Variants in SEMA6D observed in about 807,000 individuals in gnomAD.
SEMA6D encodes semaphorin 6D.
Under a neutral mutation model 106.6 loss-of-function variants are expected in SEMA6D, and 35 were observed. The ratio of observed to expected loss-of-function variants is 0.33; its 90% CI spans 0.25 to 0.44. The LOEUF is 0.44. SEMA6D is among the 20% of genes least tolerant of loss of function. The pLI is 1.00. For missense variants in SEMA6D, 1,185 were observed against 1,345.9 expected (o/e 0.88, Z 1.87); for synonymous variants, 499 against 487.7 (o/e 1.02, Z -0.31).
intron 1 of SEMA6D, among the ~76,000 whole-genome samples, chr15:47,354,671 G>GT (rs1326213592): frequency 4.0e-5 from 6 of 151,772 alleles, no homozygotes; most frequent in African/African-American, 1.5e-4. Context: ...ATGAGGAGGG[G>GT]TTAGTGTGCA....
intron 3 of SEMA6D, among the ~76,000 whole-genome samples, chr15:47,504,334 G>A (rs2043962579): frequency 6.6e-6 from 1 of 152,250 alleles, no homozygotes; most frequent in Admixed American, 6.5e-5. Flanking sequence ...CCTTGAGTGA[G>A]CAGCCCTGAG....
chr15:47,730,028 C>T, intron 1 of SEMA6D: 1 of 575,446 alleles, frequency 1.7e-6, no homozygotes, highest in Non-Finnish European at 3.0e-6. Flanking sequence ...TAGTGAGATC[C>T]CTTAATGCTA....
chr15:47,471,568 T>C (rs775963169), intron 3 of SEMA6D, among the ~76,000 whole-genome samples: 20 of 152,168 alleles, frequency 1.3e-4, no homozygotes, highest in Non-Finnish European at 2.4e-4. Context: ...GCCTTTATGA[T>C]TTCTGTCTCC....
chr15:47,451,395 A>G (rs1247411079), intron 2 of SEMA6D, among the ~76,000 whole-genome samples: 4 of 151,970 alleles, frequency 2.6e-5, no homozygotes, highest in Non-Finnish European at 5.9e-5. Context: ...GACATGGAGG[A>G]TGGTGGTTGG....
intron 1 of SEMA6D, among the ~76,000 whole-genome samples, chr15:47,222,039 G>GCACACT (rs1362948390): frequency 2.0e-5 from 3 of 151,782 alleles, no homozygotes; most frequent in Admixed American, 2.0e-4. Context: ...GCATGCACAC[G>GCACACT]CACACTCACA....
chr15:47,733,987 G>A (rs1033195631), intron 1 of SEMA6D, among the ~76,000 whole-genome samples: 5 of 152,182 alleles, frequency 3.3e-5, no homozygotes, highest in African/African-American at 9.7e-5. Context: ...GCCCATCAGA[G>A]CACAGAAGCA....
At chr15:47,685,665 G>A (rs2145666613) in intron 4 of SEMA6D, among the ~76,000 whole-genome samples, 1 of 152,276 alleles carries the variant, frequency 6.6e-6, no homozygotes, top group South Asian at 2.1e-4. Context: ...GTCTAGAATG[G>A]TAGGAGCATC....
intron 4 of SEMA6D, among the ~76,000 whole-genome samples, chr15:47,657,538 T>C (rs2077819891): frequency 6.6e-6 from 1 of 152,066 alleles, no homozygotes; most frequent in Admixed American, 6.5e-5. Flanking sequence ...AATATTCTTA[T>C]TACATGTATT....
At chr15:47,669,213 C>T (rs1028329050) in intron 4 of SEMA6D, among the ~76,000 whole-genome samples, 2 of 152,274 alleles carry the variant, frequency 1.3e-5, no homozygotes, top group South Asian at 2.1e-4. Flanking sequence ...GCATCCTTTT[C>T]CTCCACATAA....
intron 1 of SEMA6D, among the ~76,000 whole-genome samples, chr15:47,194,385 A>G (rs1170315349): frequency 6.6e-6 from 1 of 152,002 alleles, no homozygotes; most frequent in Non-Finnish European, 1.5e-5. Flanking sequence ...GTGGGGAGGT[A>G]AGTGGACTGG....
chr15:47,541,269 C>G (rs1277617605), intron 3 of SEMA6D, among the ~76,000 whole-genome samples: 4 of 152,154 alleles, frequency 2.6e-5, no homozygotes, highest in Non-Finnish European at 5.9e-5. Flanking sequence ...TATTTTAGCT[C>G]CACTACACTA....
chr15:47,220,305 A>G (rs148770407), intron 1 of SEMA6D, among the ~76,000 whole-genome samples: 45 of 152,320 alleles, frequency 3.0e-4, no homozygotes, highest in African/African-American at 9.4e-4. Flanking sequence ...AGTGACTTTT[A>G]GTTCTTCATT....
chr15:47,659,159 A>C (rs544384154), intron 4 of SEMA6D, among the ~76,000 whole-genome samples: 1 of 152,064 alleles, frequency 6.6e-6, no homozygotes, highest in Non-Finnish European at 1.5e-5. Flanking sequence ...TAGTCAGAGC[A>C]TTTCCAAAAT....
At chr15:47,659,061 T>TA (rs1405771788) in intron 4 of SEMA6D, among the ~76,000 whole-genome samples, 1 of 152,106 alleles carries the variant, frequency 6.6e-6, no homozygotes, top group Non-Finnish European at 1.5e-5. Context: ...TTAATGAACT[T>TA]ATGGAATCCA....
At chr15:47,657,562 CAGAA>C (rs1467579785) in intron 4 of SEMA6D, among the ~76,000 whole-genome samples, 5 of 151,618 alleles carry the variant, frequency 3.3e-5, no homozygotes, top group Non-Finnish European at 5.9e-5. Context: ...CAATTTAATT[CAGAA>C]AGAAAGAGAA....
chr15:47,610,099 G>A (rs1351094603), intron 4 of SEMA6D, among the ~76,000 whole-genome samples: 1 of 152,160 alleles, frequency 6.6e-6, no homozygotes, highest in Admixed American at 6.5e-5. Flanking sequence ...TCTTACTAAG[G>A]AAGTATTTCT....
chr15:47,740,988 T>C (rs1285785448), intron 1 of SEMA6D, among the ~76,000 whole-genome samples: 2 of 152,248 alleles, frequency 1.3e-5, no homozygotes, highest in South Asian at 2.1e-4. Context: ...CTTTTACTTA[T>C]TTATTTTTCT....
chr15:47,703,364 A>C (rs538458526), intron 4 of SEMA6D, among the ~76,000 whole-genome samples: 1 of 152,370 alleles, frequency 6.6e-6, no homozygotes, highest in Non-Finnish European at 1.5e-5. Context: ...CTAAGACATG[A>C]AATACAAGTT....
At position 47,771,815 on chromosome 15, in the gene SEMA6D, T is replaced by C. The variant is rs1464363220; in HGVS notation, c.*30T>C. On this transcript the variant is annotated 3_prime_UTR_variant, in exon 19 of 19. Transcript: ENST00000536845. ...CAAGTGTGCTATTCCCATGTGGCTTTATCCTGTCCGTGTTGTTGAGAGGAT... is the reference window on the plus strand; with the variant it reads ...CAAGTGTGCTATTCCCATGTGGCTTCATCCTGTCCGTGTTGTTGAGAGGAT... 3 of 1,581,400 alleles carry C rather than the reference T, an allele frequency of 1.9e-6. No homozygotes were observed. Among genetic ancestry groups the C allele is most frequent in the Non-Finnish European group, 2.6e-6 (3 of 1,158,902 alleles).
Sources: allele counts gnomAD v4.1 joint callset (sites outside exome capture counted in the v4.1 genomes callset), GRCh38; gene constraint gnomAD v4.1.1; transcripts MANE v1.5; gene names NCBI Gene and HGNC (gene_info 2026-07-23, HGNC 2026-07-21).